PITPNM2: variants seen among roughly 807,000 people sequenced by gnomAD.
The protein encoded by PITPNM2 is membrane-associated phosphatidylinositol transfer protein 2.
A neutral mutation model predicts 132.2 loss-of-function variants in PITPNM2; 35 were observed. That is an observed-to-expected ratio of 0.26 (90% CI 0.20 to 0.35). The LOEUF is 0.35. Among genes scored for constraint, PITPNM2 ranks in the 10% least tolerant of loss-of-function variants. PITPNM2 has a pLI of 1.00. For synonymous variants in PITPNM2, 738 were observed against 799.2 expected (o/e 0.92, Z 1.29); for missense variants, 1,332 against 1,912.0 (o/e 0.70, Z 5.66).
At chr12:123,103,066 G>A (rs576840947) in intron 2 of PITPNM2, among the ~76,000 whole-genome samples, 2 of 152,184 alleles carry the variant, frequency 1.3e-5, no homozygotes, top group Non-Finnish European at 2.9e-5. Context: ...TGGGACTACA[G>A]GTACATACCA....
At chr12:123,073,926 AC>A (rs2041696732) in intron 2 of PITPNM2, among the ~76,000 whole-genome samples, 1 of 151,710 alleles carries the variant, frequency 6.6e-6, no homozygotes, top group South Asian at 2.1e-4. Context: ...GAGAGTGAGC[AC>A]CCCCCAGCTC....
chr12:123,122,519 C>T (rs2043052599), intron 1 of PITPNM2, among the ~76,000 whole-genome samples: 2 of 152,138 alleles, frequency 1.3e-5, no homozygotes, highest in Non-Finnish European at 1.5e-5. Flanking sequence ...AAATCCAAGT[C>T]GCAAGCCTGT....
At chr12:123,068,324 G>C (rs1322149010) in intron 2 of PITPNM2, among the ~76,000 whole-genome samples, 1 of 152,068 alleles carries the variant, frequency 6.6e-6, no homozygotes, top group Admixed American at 6.5e-5. Flanking sequence ...AAAATTAGCC[G>C]GGTGAGGTGG....
chr12:123,074,737 C>G (rs966990923), intron 2 of PITPNM2, among the ~76,000 whole-genome samples: 7 of 152,260 alleles, frequency 4.6e-5, no homozygotes, highest in African/African-American at 1.7e-4. Flanking sequence ...CCTCAGAAGC[C>G]CTGGACAGAA....
chr12:123,111,522 C>T lies in PITPNM2; in HGVS notation c.-199-1034G>A, dbSNP rs1209577332. Among the ~76,000 whole-genome samples, 9 of 152,324 alleles carry T rather than the reference C, an allele frequency of 5.9e-5. No individual in the cohort carries two copies. In the East Asian group the frequency reaches 7.7e-4, roughly 13 times the overall value. On this transcript the variant is annotated intron_variant, in intron 1 of 25. Coordinates refer to ENST00000320201, the MANE Select transcript of PITPNM2 (RefSeq NM_020845.3). This position sits in a 1 kb window ranked among gnomAD's most constrained non-coding sequence, Gnocchi z 4.1. ...GCAAAGTTATCAACTGCCAAGTGAA[C>T]GGCCAGACAGAGGAGGGAGAGTGGA...
rs2042948638 is a variant in PITPNM2, at chr12:123,117,100, C to T, written c.-199-6612G>A. Among the ~76,000 whole-genome samples the T allele has an allele frequency of 6.6e-6, 1 of 152,372 alleles. No homozygotes were observed. The highest frequency in any genetic ancestry group is 6.5e-5 in the Admixed American group (1 of 15,306). On this transcript the variant is annotated intron_variant, in intron 1 of 25. Coordinates refer to ENST00000320201, the MANE Select transcript of PITPNM2 (RefSeq NM_020845.3). The surrounding 1 kb of genome is among the most constrained non-coding windows in gnomAD (Gnocchi z 4.7). Reference sequence around the variant, plus strand: ...TCTAGCGGGTTTGCAGGAAGTTCTACTTCCATCATAAGACTCATGAAGACC... The same window carrying T: ...TCTAGCGGGTTTGCAGGAAGTTCTATTTCCATCATAAGACTCATGAAGACC...
intron 2 of PITPNM2, among the ~76,000 whole-genome samples, chr12:123,053,106 A>C (rs1422437206): frequency 2.0e-5 from 3 of 152,080 alleles, no homozygotes; most frequent in African/African-American, 7.2e-5. Flanking sequence ...GCTGGTCTCC[A>C]ACTCCTGGCC....
intron 2 of PITPNM2, among the ~76,000 whole-genome samples, chr12:123,098,998 T>C (rs2042482030): frequency 6.6e-6 from 1 of 152,190 alleles, no homozygotes; most frequent in South Asian, 2.1e-4. Flanking sequence ...TGCTCCCTCT[T>C]GTATGAAATC....
rs2042942972 is a variant in PITPNM2, at chr12:123,116,696, G to A, written c.-199-6208C>T. ...GGAGAGGAGTGAGGAGAATGAAGTGGTGGTGGCAGCCTGGATGCTTCTGCA... is the reference window on the plus strand; with the variant it reads ...GGAGAGGAGTGAGGAGAATGAAGTGATGGTGGCAGCCTGGATGCTTCTGCA... On this transcript the variant is annotated intron_variant, in intron 1 of 25. Transcript: ENST00000320201. Among the ~76,000 whole-genome samples, 3 of 151,174 alleles carry A rather than the reference G, an allele frequency of 2.0e-5. No individual in the cohort carries two copies. In the South Asian group the frequency reaches 6.3e-4, roughly 32 times the overall value.
intron 2 of PITPNM2, among the ~76,000 whole-genome samples, chr12:123,055,212 G>A (rs1187742374): frequency 1.3e-5 from 2 of 152,206 alleles, no homozygotes; most frequent in Non-Finnish European, 2.9e-5. Context: ...CACAGAAGAC[G>A]TGGTGTGAAT....
chr12:122,987,597 C>T lies in PITPNM2; in HGVS notation c.3177G>A (p.Val1059=). The part of the protein sequence containing the change: ...SGEWLYLDTL[V]TNNSGRVSYT... Reference sequence around the variant, plus strand: ...AGGAGACACGCCCACTGTTGTTGGTCACCAGCGTATCCAGGTAGAGCCACT... The same window carrying T: ...AGGAGACACGCCCACTGTTGTTGGTTACCAGCGTATCCAGGTAGAGCCACT... Residue 1059 remains valine, a synonymous_variant, in exon 22 of 26, where the codon GTG becomes GTA. Coordinates refer to ENST00000320201, the MANE Select transcript of PITPNM2 (RefSeq NM_020845.3). 6.2e-7 allele frequency: 1 copy of T among 1,613,934 alleles called. No individual in the cohort carries two copies. The highest frequency in any genetic ancestry group is 8.5e-7 in the Non-Finnish European group (1 of 1,180,006).
In PITPNM2 at chr12:123,012,608, G is replaced by A; in HGVS notation, c.415+5C>T. Reference sequence around the variant, plus strand: ...GCCCTGTGGGGCTCTGCCCTTCCTGGTTACCGATTGTCAGCTGGTTCTTTT... The same window carrying A: ...GCCCTGTGGGGCTCTGCCCTTCCTGATTACCGATTGTCAGCTGGTTCTTTT... On this transcript the variant is annotated splice_donor_5th_base_variant and intron_variant, in intron 5 of 25. Coordinates refer to ENST00000320201, the MANE Select transcript of PITPNM2 (RefSeq NM_020845.3). 6.2e-7 allele frequency: 1 copy of A among 1,613,998 alleles called. No homozygotes were observed. The highest frequency in any genetic ancestry group is 8.5e-7 in the Non-Finnish European group (1 of 1,179,876).
At position 123,082,467 on chromosome 12, in the gene PITPNM2, G is replaced by A. The variant is rs901518524; in HGVS notation, c.-96+27918C>T. On this transcript the variant is annotated intron_variant, in intron 2 of 25. Coordinates refer to ENST00000320201, the MANE Select transcript of PITPNM2 (RefSeq NM_020845.3). This position sits in a 1 kb window ranked among gnomAD's most constrained non-coding sequence, Gnocchi z 5.4. ...CATTTCTTTATTTTCATTTTTTTGAGACAGAGTCTTGCCCAGGCTGGAGTG... is the reference window on the plus strand; with the variant it reads ...CATTTCTTTATTTTCATTTTTTTGAAACAGAGTCTTGCCCAGGCTGGAGTG... 6.6e-6 allele frequency among the ~76,000 whole-genome samples: 1 copy of A among 151,862 alleles called. No individual in the cohort carries two copies. The highest frequency in any genetic ancestry group is 2.4e-5 in the African/African-American group (1 of 41,298).
chr12:123,094,345 A>T (rs565687384), intron 2 of PITPNM2, among the ~76,000 whole-genome samples: 34 of 152,372 alleles, frequency 2.2e-4, no homozygotes, highest in Admixed American at 2.2e-3. Flanking sequence ...GAGCTCAGGC[A>T]GGCTCCTGGG....
chr12:122,996,014 C>T (rs931044308), intron 13 of PITPNM2, among the ~76,000 whole-genome samples: 2 of 152,234 alleles, frequency 1.3e-5, no homozygotes, highest in African/African-American at 4.8e-5. Context: ...CAGCTGCTCC[C>T]CTGCCCCCAT....
chr12:122,983,968 G>A lies in PITPNM2; in HGVS notation c.*2059C>T, dbSNP rs1013727068. 6 of 152,726 alleles carry A rather than the reference G, an allele frequency of 3.9e-5. No individual in the cohort carries two copies. Among genetic ancestry groups the A allele is most frequent in the Admixed American group, 2.0e-4 (3 of 15,294 alleles). 9.5% of individuals were successfully genotyped at this position (152,726 alleles called of 1,614,324 possible). A position where few individuals can be genotyped will look rare whatever the true frequency, so the allele number is the denominator to read the frequency against. ...AGAAAGACTGGTACTTCCTCAAGAG[G>A]AGAATGTGCCAAAAGGAATCTGAAG... On this transcript the variant is annotated 3_prime_UTR_variant, in exon 26 of 26. Coordinates refer to ENST00000320201, the MANE Select transcript of PITPNM2 (RefSeq NM_020845.3).
rs1306325076 is a variant in PITPNM2, at chr12:123,106,134, G to A, written c.-96+4251C>T. On this transcript the variant is annotated intron_variant, in intron 2 of 25. Transcript: ENST00000320201. This position sits in a 1 kb window ranked among gnomAD's most constrained non-coding sequence, Gnocchi z 4.4. ...CTGCTTCTTCTCTTCACCCCAGATA[G>A]CCTGCTCTCAACACGGCAGCCAGAA... is the stretch of plus-strand genomic sequence containing the variant. Among the ~76,000 whole-genome samples, 1 of 152,198 alleles carries A rather than the reference G, an allele frequency of 6.6e-6. No homozygotes were observed. The highest frequency in any genetic ancestry group is 2.4e-5 in the African/African-American group (1 of 41,440).
At chr12:123,119,930 C>A (rs1245073338) in intron 1 of PITPNM2, among the ~76,000 whole-genome samples, 1 of 152,016 alleles carries the variant, frequency 6.6e-6, no homozygotes, top group African/African-American at 2.4e-5. Flanking sequence ...ATACGCTTGC[C>A]ACCCACGTGA....
intron 3 of PITPNM2, among the ~76,000 whole-genome samples, chr12:123,026,414 G>C (rs1346881149): frequency 1.3e-5 from 2 of 152,208 alleles, no homozygotes; most frequent in African/African-American, 4.8e-5. Context: ...TGCCTCTCTG[G>C]TTTCTGGCCT....
Sources: allele counts gnomAD v4.1 joint callset (sites outside exome capture counted in the v4.1 genomes callset), GRCh38; gene constraint gnomAD v4.1.1; non-coding constraint Gnocchi (gnomAD v3.1); transcripts MANE v1.5; gene names NCBI Gene and HGNC (gene_info 2026-07-23, HGNC 2026-07-21).